Variants in UBA6 observed in about 807,000 individuals in gnomAD.
The protein encoded by UBA6 is ubiquitin like modifier activating enzyme 6.
Under a neutral mutation model 148.3 loss-of-function variants are expected in UBA6, and 87 were observed. The observed-to-expected ratio is 0.59, with a 90% CI of 0.49 to 0.70. The LOEUF (loss-of-function observed/expected upper bound fraction) is 0.70. UBA6 is among the 30% of genes least tolerant of loss of function. The pLI is 0.00. For missense variants in UBA6, 1,186 were observed against 1,241.2 expected, an observed-to-expected ratio of 0.96 and a Z score of 0.67; for synonymous variants, 376 against 401.0, an observed-to-expected ratio of 0.94 and a Z score of 0.75.
At position 67,646,005 on chromosome 4, in the gene UBA6, T is replaced by C. The variant is rs1729413866; in HGVS notation, c.1328A>G (p.Tyr443Cys). ...CEEFLPRGDR[Y>C]DALRACIGDT... ...TCCAATGCAAGCTCTTAAGGCATCA[T>C]ATCTATCTCCTCTGAAAAAAATAAC... The change falls in exon 16 of 33, where the codon TAT becomes TGT. Residue 443 changes from tyrosine to cysteine, a missense_variant. Tyr to Cys is a radical substitution (Grantham distance 194). Transcript: ENST00000322244. The C allele has an allele frequency of 6.4e-7, 1 of 1,568,652 alleles. No individual in the cohort carries two copies. Among genetic ancestry groups the C allele is most frequent in the Non-Finnish European group, 8.7e-7 (1 of 1,156,020 alleles).
chr4:67,644,567 C>T lies in UBA6; in HGVS notation c.1476+131G>A, dbSNP rs559687819. The T allele has an allele frequency of 8.4e-6, 5 of 593,468 alleles. No individual in the cohort carries two copies. The East Asian group carries it at 1.1e-4, about 13-fold the overall frequency. The allele number at this position is 593,468 out of a possible 1,614,324, so 36.8% of individuals were successfully genotyped here. On this transcript the variant is annotated intron_variant, in intron 17 of 32. Coordinates refer to ENST00000322244, the MANE Select transcript of UBA6 (RefSeq NM_018227.6). ...TTGAAAAGTGGTCAGAAGGGCATGACAATCTTCCAATTTTTAGTTTAATGC... is the reference window on the plus strand; with the variant it reads ...TTGAAAAGTGGTCAGAAGGGCATGATAATCTTCCAATTTTTAGTTTAATGC...
intron 8 of UBA6, among the ~76,000 whole-genome samples, chr4:67,668,885 T>C (rs1195071533): frequency 6.6e-6 from 1 of 152,188 alleles, no homozygotes. Context: ...GCTGAAAATA[T>C]AATTTCTATG....
chr4:67,682,781 T>A, intron 2 of UBA6, among the ~76,000 whole-genome samples: 1 of 152,224 alleles, frequency 6.6e-6, no homozygotes, highest in East Asian at 1.9e-4. Context: ...ATTGTAAGTG[T>A]TTATCTGAAA....
intron 6 of UBA6, among the ~76,000 whole-genome samples, chr4:67,677,070 C>T (rs550702781): frequency 6.6e-5 from 10 of 152,288 alleles, no homozygotes; most frequent in South Asian, 6.2e-4. Context: ...AGGAAGAGTA[C>T]TTTTCTGCTT....
chr4:67,696,566 G>T (rs1577846446), intron 2 of UBA6, 79 bp downstream of exon 2: 3 of 1,088,936 alleles, frequency 2.8e-6, no homozygotes, highest in Middle Eastern at 2.0e-4. Flanking sequence ...TAGGCTGAAT[G>T]GTATCTTCAA....
chr4:67,620,383 G>C (rs900782779), intron 32 of UBA6, among the ~76,000 whole-genome samples: 2 of 152,116 alleles, frequency 1.3e-5, no homozygotes, highest in Non-Finnish European at 2.9e-5. Flanking sequence ...CCCTGAACTA[G>C]AGGTCTGAGT....
rs1729001188 is a variant in UBA6, at chr4:67,631,699, A to T, written c.2258+9T>A. The T allele has an allele frequency of 1.3e-6, 2 of 1,591,344 alleles. No homozygotes were observed. The highest frequency in any genetic ancestry group is 1.7e-6 in the Non-Finnish European group (2 of 1,165,566). On this transcript the variant is annotated intron_variant, in intron 25 of 32. Transcript: ENST00000322244. ...TGAAGGATACATAAAACTAAATATA[A>T]ATACTTACAAAGGCTCATTTAAATC...
chr4:67,620,128 TTGAG>T (rs199665480), intron 32 of UBA6, among the ~76,000 whole-genome samples: 1,817 of 152,302 alleles, frequency 0.012, 38 homozygotes, highest in African/African-American at 0.04. Flanking sequence ...CACCTCATAC[TTGAG>T]TCATTCCAAA....
chr4:67,646,544 T>C (rs759365386), intron 15 of UBA6, among the ~76,000 whole-genome samples, 180 bp downstream of exon 15: 4 of 152,210 alleles, frequency 2.6e-5, no homozygotes, highest in Non-Finnish European at 5.9e-5. Flanking sequence ...TTGCATTCAC[T>C]ATTTATCAAG....
At chr4:67,670,909 G>T (rs965869096) in intron 7 of UBA6, among the ~76,000 whole-genome samples, 2 of 152,136 alleles carry the variant, frequency 1.3e-5, no homozygotes, top group Non-Finnish European at 1.5e-5. Context: ...CAACATAAAA[G>T]AAATAGATAA....
At chr4:67,666,674 G>A (rs1316959805) in intron 9 of UBA6, among the ~76,000 whole-genome samples, 1 of 151,896 alleles carries the variant, frequency 6.6e-6, no homozygotes, top group Non-Finnish European at 1.5e-5. Context: ...CCTGGAGTTC[G>A]AGACCAGCTT....
At chr4:67,663,118 T>G in intron 12 of UBA6, 21 bp downstream of exon 12, 1 of 1,572,956 alleles carries the variant, frequency 6.4e-7, no homozygotes, top group Non-Finnish European at 8.6e-7. Context: ...AAAATACTTA[T>G]TTTTAAACTT....
At position 67,673,720 on chromosome 4, in the gene UBA6, G is replaced by C; in HGVS notation, c.523C>G (p.Arg175Gly). ...PLQKKINDFC[R>G]SQCPPIKFIS... ...ACCTTAATTGGAGGGCACTGAGAACGGCAAAAGTCATTGATCTTCTTCTGC... is the reference window on the plus strand; with the variant it reads ...ACCTTAATTGGAGGGCACTGAGAACCGCAAAAGTCATTGATCTTCTTCTGC... Residue 175 changes from arginine (R) to glycine (G), a missense_variant, in exon 7 of 33, where the codon CGT becomes GGT. Physicochemically the swap from Arg to Gly is moderately radical, Grantham distance 125 (BLOSUM62 -2). Coordinates refer to ENST00000322244, the MANE Select transcript of UBA6 (RefSeq NM_018227.6). 1 of 1,610,522 alleles carries C rather than the reference G, an allele frequency of 6.2e-7. No individual in the cohort carries two copies. The highest frequency in any genetic ancestry group is 1.3e-5 in the African/African-American group (1 of 74,912).
At chr4:67,628,881 T>G (rs1283764396) in intron 27 of UBA6, among the ~76,000 whole-genome samples, 190 bp downstream of exon 27, 1 of 151,912 alleles carries the variant, frequency 6.6e-6, no homozygotes, top group East Asian at 1.9e-4. Context: ...TTTTTTAAAA[T>G]TCCACACTAG....
intron 28 of UBA6, 37 bp from the exon 29 acceptor site, chr4:67,625,224 A>T: frequency 6.6e-7 from 1 of 1,505,320 alleles, no homozygotes; most frequent in Non-Finnish European, 9.0e-7. Context: ...GTTCCACAGC[A>T]AGCAGTAAAG....
At chr4:67,630,578 T>C in intron 25 of UBA6, 43 bp from the exon 26 acceptor site, 3 of 1,285,982 alleles carry the variant, frequency 2.3e-6, no homozygotes, top group Non-Finnish European at 2.2e-6. Context: ...ATGTACAGTT[T>C]TAAAGACGAT....
chr4:67,652,927 C>A (rs192916441), intron 13 of UBA6, among the ~76,000 whole-genome samples: 15 of 152,322 alleles, frequency 9.8e-5, no homozygotes, highest in Middle Eastern at 3.4e-3. Context: ...TCACTGCTAG[C>A]GCAGCAGTCT....
intron 13 of UBA6, 107 bp from the exon 14 acceptor site, chr4:67,649,318 A>G: frequency 6.3e-6 from 7 of 1,109,080 alleles, no homozygotes; most frequent in Middle Eastern, 2.5e-4. Flanking sequence ...TAAAAAAGCT[A>G]TTCAGTTCCC....
intron 24 of UBA6, 31 bp from the exon 25 acceptor site, chr4:67,631,802 T>C (rs765022158): frequency 1.9e-6 from 3 of 1,610,766 alleles, no homozygotes; most frequent in Non-Finnish European, 2.5e-6. Context: ...TCATTTTCAA[T>C]GTATGTAGCC....
Sources: gnomAD v4.1 joint callset for allele counts (sites outside exome capture counted in the v4.1 genomes callset) on GRCh38, gnomAD v4.1.1 for gene constraint, MANE v1.5 for transcripts, NCBI Gene and HGNC (gene_info 2026-07-23, HGNC 2026-07-21) for gene names.